The following CCNJL variants were observed in gnomAD, a reference collection of about 807,000 sequenced individuals.
CCNJL encodes cyclin J like, also known as cyclin-J-like protein.
In CCNJL, 33 loss-of-function variants were observed where a neutral mutation model predicts 33.4. The ratio of observed to expected loss-of-function variants is 0.99; its 90% CI spans 0.75 to 1.32. The LOEUF (loss-of-function observed/expected upper bound fraction) is 1.32, where lower values mean the gene tolerates loss of function less well. Among genes scored for constraint, CCNJL ranks in the 40% most tolerant of loss-of-function variants. The pLI, the probability that CCNJL is intolerant of heterozygous loss-of-function variation, is 0.00. For missense variants in CCNJL, 512 were observed against 499.7 expected (o/e 1.02, Z -0.23); for synonymous variants, 227 against 220.9 (o/e 1.03, Z -0.24).
At chr5:160,269,291 C>G (rs1327822488) in intron 3 of CCNJL, among the ~76,000 whole-genome samples, 6 of 152,330 alleles carry the variant, frequency 3.9e-5, no homozygotes, top group Middle Eastern at 3.4e-3. Context: ...ATAAGTGTCA[C>G]TGACTGAAAG....
At chr5:160,339,085 G>C (rs11950369) in intron 1 of CCNJL, among the ~76,000 whole-genome samples, 72,595 of 151,682 alleles carry the variant, frequency 0.48, 17,629 homozygotes, top group Middle Eastern at 0.54. Context: ...CCGCACCCAG[G>C]CTAAAACTAC....
chr5:160,303,883 A>C (rs953101838), intron 2 of CCNJL, among the ~76,000 whole-genome samples: 2 of 152,176 alleles, frequency 1.3e-5, no homozygotes, highest in African/African-American at 4.8e-5. Context: ...ACAAAGAAGA[A>C]GTCAATGACA....
rs150215979 is a variant in CCNJL at position 160,334,102 on chromosome 5, A to C, written n.206+5343T>G. ...GGAATCGCATGCTGTGACCAACAACACTGTCTTGCCAGCTCACCCCTCAGG... is the reference window on the plus strand; with the variant it reads ...GGAATCGCATGCTGTGACCAACAACCCTGTCTTGCCAGCTCACCCCTCAGG... On this transcript the variant is annotated intron_variant and non_coding_transcript_variant, in intron 1 of 7. Transcript: ENST00000377503. Among the ~76,000 whole-genome samples, 1,359 of 152,254 alleles carry C rather than the reference A, an allele frequency of 8.9e-3. 17 individuals are homozygous for C. The highest frequency in any genetic ancestry group is 0.031 in the African/African-American group (1,268 of 41,536).
In CCNJL at chr5:160,253,339, C is replaced by T. The variant is rs772605627; in HGVS notation, c.*39G>A. ...CCTCTTCAGTGTCCTCTTCCTCTGC[C>T]CACATCTCCAAGGCTTCCTCGTGAG... On this transcript the variant is annotated 3_prime_UTR_variant, in exon 6 of 6. Transcript: ENST00000257536. 1.6e-5 allele frequency: 24 copies of T among 1,534,738 alleles called. No individual in the cohort carries two copies. The Admixed American group carries it at 2.1e-4, about 14-fold the overall frequency.
intron 2 of CCNJL, among the ~76,000 whole-genome samples, chr5:160,282,986 T>TATATATATATATAC (rs1762278425): frequency 1.7e-5 from 1 of 57,904 alleles, no homozygotes; most frequent in Admixed American, 1.8e-4. Context: ...TATATATATA[T>TATATATATATATAC]ATATATATAT....
chr5:160,259,888 G>A, intron 3 of CCNJL, 117 bp from the exon 4 acceptor site: 2 of 825,678 alleles, frequency 2.4e-6, no homozygotes, highest in South Asian at 1.7e-5. Flanking sequence ...AAAGCAGACA[G>A]GCCAGACTGC....
chr5:160,271,182 G>A (rs1276429032), intron 3 of CCNJL, among the ~76,000 whole-genome samples: 3 of 152,196 alleles, frequency 2.0e-5, no homozygotes, highest in Non-Finnish European at 2.9e-5. Flanking sequence ...AGTCTGAAAC[G>A]GATTTCAAAA....
In CCNJL at chr5:160,269,341, C is replaced by A; in HGVS notation, c.281-9570G>T. On this transcript the variant is annotated intron_variant, in intron 3 of 5. Transcript: ENST00000257536. ...TGGGGGCCATTTGTCACCCGAATAG[C>A]TGGCATCTGGGGCCTGCATCCCACA... The A allele has an allele frequency of 1.1e-5, 5 of 448,020 alleles. No individual in the cohort carries two copies. In the Admixed American group the frequency reaches 1.2e-4, roughly 11 times the overall value. 27.8% of individuals were successfully genotyped at this position (448,020 alleles called of 1,614,324 possible).
At chr5:160,264,997 T>C (rs1268583821) in intron 3 of CCNJL, among the ~76,000 whole-genome samples, 2 of 152,200 alleles carry the variant, frequency 1.3e-5, no homozygotes, top group African/African-American at 4.8e-5. Context: ...TATTACCCAG[T>C]GCCAACAGTC....
At chr5:160,321,538 C>T (rs906771990) in intron 1 of CCNJL, among the ~76,000 whole-genome samples, 24 of 152,330 alleles carry the variant, frequency 1.6e-4, no homozygotes, top group African/African-American at 5.8e-4. Context: ...AGCCGCTCAG[C>T]TGAGGGGACT....
Position 160,253,645 on chromosome 5 carries a change from C to T in CCNJL, c.897G>A (p.Gln299=). ...CCAAGCATAGGTCCTGCACGGGGGTCTGGAACTGTGCCAGGGTGGTCGCTG... is the reference window on the plus strand; with the variant it reads ...CCAAGCATAGGTCCTGCACGGGGGTTTGGAACTGTGCCAGGGTGGTCGCTG... ...GQPATTLAQF[Q]TPVQDLCLAY... Residue 299 remains glutamine (Q), a synonymous_variant, in exon 6 of 6, where the codon CAG becomes CAA. Coordinates refer to ENST00000257536, the MANE Select transcript of CCNJL (RefSeq NM_001308173.3). The T allele has an allele frequency of 1.2e-6, 2 of 1,612,264 alleles. No individual in the cohort carries two copies. The highest frequency in any genetic ancestry group is 1.7e-6 in the Non-Finnish European group (2 of 1,178,950).
chr5:160,331,457 C>G (rs1377898523), intron 1 of CCNJL, among the ~76,000 whole-genome samples: 1 of 151,790 alleles, frequency 6.6e-6, no homozygotes, highest in African/African-American at 2.4e-5. Context: ...ATCTCCTGAC[C>G]TCGTGATCCG....
chr5:160,305,115 G>A (rs1179181402), intron 2 of CCNJL, among the ~76,000 whole-genome samples: 1 of 152,078 alleles, frequency 6.6e-6, no homozygotes, highest in East Asian at 1.9e-4. Context: ...CGCCTGGCCA[G>A]GTCACTGATT....
At chr5:160,267,792 G>A (rs1452777734) in intron 3 of CCNJL, among the ~76,000 whole-genome samples, 1 of 152,158 alleles carries the variant, frequency 6.6e-6, no homozygotes, top group Admixed American at 6.5e-5. Flanking sequence ...GAACTCCTGG[G>A]CTCAAGTGAT....
At chr5:160,277,333 G>T (rs1204919234) in intron 3 of CCNJL, among the ~76,000 whole-genome samples, 1 of 152,216 alleles carries the variant, frequency 6.6e-6, no homozygotes, top group Non-Finnish European at 1.5e-5. Flanking sequence ...TGATGCCGAT[G>T]ATTCAGGGGC....
chr5:160,321,581 A>G (rs576515152), intron 1 of CCNJL, among the ~76,000 whole-genome samples: 56 of 152,342 alleles, frequency 3.7e-4, no homozygotes, highest in Middle Eastern at 3.4e-3. Context: ...TGGGAAATCT[A>G]TGAAAAATTT....
upstream of CCNJL, among the ~76,000 whole-genome samples, chr5:160,313,844 C>T (rs1219654198): frequency 6.6e-6 from 1 of 152,104 alleles, no homozygotes; most frequent in Admixed American, 6.5e-5. Flanking sequence ...AGAATATCTG[C>T]GAGAAAAGCT....
chr5:160,313,424 G>C (rs547517604), upstream of CCNJL, among the ~76,000 whole-genome samples: 1 of 152,330 alleles, frequency 6.6e-6, no homozygotes, highest in Non-Finnish European at 1.5e-5. Context: ...GAAAATTAAA[G>C]GAGATAATGC....
chr5:160,327,037 C>A, intron 1 of CCNJL: 1 of 411,156 alleles, frequency 2.4e-6, no homozygotes, highest in Non-Finnish European at 4.6e-6. Context: ...GTTTTTTGTC[C>A]AATATGAACA....
Sources: allele counts gnomAD v4.1 joint callset (sites outside exome capture counted in the v4.1 genomes callset), GRCh38; gene constraint gnomAD v4.1.1; transcripts MANE v1.5; gene names NCBI Gene and HGNC (gene_info 2026-07-23, HGNC 2026-07-21).